MAP3K7: variants seen among roughly 807,000 people sequenced by gnomAD.
MAP3K7 encodes the protein mitogen-activated protein kinase kinase kinase 7, also known as TGF-beta activated kinase 1.
In MAP3K7, 21 loss-of-function variants were observed where a neutral mutation model predicts 84.8. The observed-to-expected ratio is 0.25, with a 90% CI of 0.18 to 0.36. The LOEUF (loss-of-function observed/expected upper bound fraction) is 0.36. MAP3K7 is among the 10% of genes least tolerant of loss of function. The probability of loss-of-function intolerance (pLI) is 1.00; values close to 1 mark genes in which losing one functional copy is unlikely to be tolerated. For missense variants in MAP3K7, 503 were observed against 747.7 expected, an observed-to-expected ratio of 0.67 and a Z score of 3.82; for synonymous variants, 241 against 247.7, an observed-to-expected ratio of 0.97 and a Z score of 0.25.
rs750823860 is a variant in MAP3K7, at chr6:90,550,478, G to A, written c.939C>T (p.Ala313=). ...QYSDEGQSNS[A]TSTGSFMDIA... is the part of the protein sequence containing the mutation. The stretch of plus-strand genomic sequence containing the variant: ...AATCTATCCATTTACCTGTACTGGT[G>A]GCAGAGTTGCTCTGTCCTTCATCTG... Residue 313 remains alanine (A), a synonymous_variant, in exon 9 of 17, where the codon GCC becomes GCT. Coordinates refer to ENST00000369329, the MANE Select transcript of MAP3K7 (RefSeq NM_145331.3). The A allele has an allele frequency of 2.5e-6, 4 of 1,607,560 alleles. No homozygotes were observed. The highest frequency in any genetic ancestry group is 3.4e-6 in the Non-Finnish European group (4 of 1,174,956).
At chr6:90,558,557 A>G (rs2127977732) in intron 5 of MAP3K7, among the ~76,000 whole-genome samples, 1 of 152,284 alleles carries the variant, frequency 6.6e-6, no homozygotes, top group Non-Finnish European at 1.5e-5. Context: ...GACCTAGACC[A>G]GACCTTCTGT....
At chr6:90,558,908 G>GT (rs749188027) in intron 5 of MAP3K7, among the ~76,000 whole-genome samples, 43 of 152,174 alleles carry the variant, frequency 2.8e-4, no homozygotes, top group Non-Finnish European at 5.0e-4. Context: ...TGCTTTGGCT[G>GT]TATCTGATGC....
chr6:90,529,748 G>A (rs571104685), intron 13 of MAP3K7, among the ~76,000 whole-genome samples: 18 of 152,136 alleles, frequency 1.2e-4, no homozygotes, highest in Admixed American at 1.0e-3. Flanking sequence ...ACTTGTGCCC[G>A]AAATTATAGT....
In MAP3K7 at chr6:90,545,154, CATACTT is replaced by C. The variant is rs546780589; in HGVS notation, c.1211-528_1211-523del. On this transcript the variant is annotated intron_variant, in intron 11 of 16. Transcript: ENST00000369329. ...TGTGAAATGTATATGCTTTTGTAGTCATACTTATACATATTTCTAGTACCAAATATT... is the reference window on the plus strand; with the variant it reads ...TGTGAAATGTATATGCTTTTGTAGTCATACATATTTCTAGTACCAAATATT... 4.7e-4 allele frequency among the ~76,000 whole-genome samples: 70 copies of C among 150,322 alleles called. No individual in the cohort carries two copies. The East Asian group carries it at 5.9e-3, about 13-fold the overall frequency.
chr6:90,564,634 C>A (rs923552306), intron 3 of MAP3K7, among the ~76,000 whole-genome samples: 1 of 152,104 alleles, frequency 6.6e-6, no homozygotes, highest in Non-Finnish European at 1.5e-5. Context: ...GGCTTTAACA[C>A]CCCACTGTCA....
chr6:90,521,530 TC>T (rs778011392), intron 14 of MAP3K7, among the ~76,000 whole-genome samples: 2 of 152,084 alleles, frequency 1.3e-5, no homozygotes, highest in African/African-American at 2.4e-5. Flanking sequence ...TGAACTGATT[TC>T]TCTTACAACT....
At chr6:90,576,397 T>G (rs1195064553) in intron 1 of MAP3K7, among the ~76,000 whole-genome samples, 2 of 147,236 alleles carry the variant, frequency 1.4e-5, no homozygotes, top group Non-Finnish European at 3.0e-5. Context: ...AACTCCAGCC[T>G]GGGCAACAGA....
intron 6 of MAP3K7, among the ~76,000 whole-genome samples, chr6:90,554,403 C>A (rs1776272285): frequency 6.6e-6 from 1 of 152,146 alleles, no homozygotes; most frequent in Non-Finnish European, 1.5e-5. Flanking sequence ...AGTTACACAG[C>A]AAAATTTACA....
At chr6:90,567,845 A>C (rs1325342981) in intron 3 of MAP3K7, among the ~76,000 whole-genome samples, 1 of 152,240 alleles carries the variant, frequency 6.6e-6, no homozygotes, top group Non-Finnish European at 1.5e-5. Flanking sequence ...TGGATTAAGA[A>C]ATTGTGGCAC....
rs1265822272 is a variant in MAP3K7 at position 90,548,086 on chromosome 6, G to C, written c.1041C>G (p.Arg347=). Residue 347 remains arginine, a synonymous_variant, in exon 10 of 17, where the codon CGC becomes CGG. Transcript: ENST00000369329. The part of the protein sequence containing the change: ...QVPATNDTIK[R]LESKLLKNQA... ...GATTTTTCAACAATTTTGATTCTAAGCGCTTAATAGTATCATTTGTGGCAG... is the reference window on the plus strand; with the variant it reads ...GATTTTTCAACAATTTTGATTCTAACCGCTTAATAGTATCATTTGTGGCAG... 1.2e-6 allele frequency: 2 copies of C among 1,611,480 alleles called. No homozygotes were observed.
chr6:90,525,527 A>G (rs1249857147), intron 13 of MAP3K7, among the ~76,000 whole-genome samples: 1 of 151,576 alleles, frequency 6.6e-6, no homozygotes, highest in Non-Finnish European at 1.5e-5. Flanking sequence ...ACAAATAGAT[A>G]AATCAAAAAA....
intron 9 of MAP3K7, among the ~76,000 whole-genome samples, chr6:90,548,742 C>T (rs1451895065): frequency 6.7e-6 from 1 of 148,632 alleles, no homozygotes; most frequent in Non-Finnish European, 1.5e-5. Flanking sequence ...GAATAACCAG[C>T]AAAGAAAACT....
At chr6:90,569,925 T>C (rs1312518909) in intron 2 of MAP3K7, among the ~76,000 whole-genome samples, 1 of 152,210 alleles carries the variant, frequency 6.6e-6, no homozygotes, top group Non-Finnish European at 1.5e-5. Context: ...TTCAGTACAC[T>C]AATGTCTCTA....
chr6:90,556,909 A>G (rs760884817), intron 5 of MAP3K7, among the ~76,000 whole-genome samples: 1 of 152,152 alleles, frequency 6.6e-6, no homozygotes, highest in Non-Finnish European at 1.5e-5. Context: ...TCATACTTCT[A>G]TCTGGCCAAA....
At chr6:90,584,634 T>C (rs1018262662) in intron 1 of MAP3K7, among the ~76,000 whole-genome samples, 2 of 152,134 alleles carry the variant, frequency 1.3e-5, no homozygotes, top group Non-Finnish European at 2.9e-5. Context: ...CTTAGTAATT[T>C]GTTTTTCCCT....
intron 3 of MAP3K7, among the ~76,000 whole-genome samples, chr6:90,567,628 A>G (rs2127982897): frequency 6.6e-6 from 1 of 152,348 alleles, no homozygotes; most frequent in East Asian, 1.9e-4. Context: ...ACTGTAAACT[A>G]GTTCAGCCAT....
intron 4 of MAP3K7, among the ~76,000 whole-genome samples, chr6:90,560,722 CATG>C (rs1443255847): frequency 4.6e-5 from 7 of 152,156 alleles, no homozygotes; most frequent in African/African-American, 1.7e-4. Context: ...GGATAATTGC[CATG>C]ATATTAACAT....
At chr6:90,578,512 C>T (rs906152393) in intron 1 of MAP3K7, among the ~76,000 whole-genome samples, 1 of 152,102 alleles carries the variant, frequency 6.6e-6, no homozygotes, top group South Asian at 2.1e-4. Flanking sequence ...TGAGCTCAGG[C>T]GATCTGCCTG....
intron 1 of MAP3K7, among the ~76,000 whole-genome samples, chr6:90,580,960 C>T (rs926301497): frequency 1.3e-5 from 2 of 152,146 alleles, no homozygotes; most frequent in African/African-American, 4.8e-5. Context: ...ACTTTAGTCT[C>T]ATACAATTAA....
Sources: allele counts gnomAD v4.1 joint callset (sites outside exome capture counted in the v4.1 genomes callset), GRCh38; gene constraint gnomAD v4.1.1; transcripts MANE v1.5; gene names NCBI Gene and HGNC (gene_info 2026-07-23, HGNC 2026-07-21).